LPIN2: variants seen among roughly 807,000 people sequenced by gnomAD.
LPIN2 encodes the protein lipin 2.
Under a neutral mutation model 111.4 loss-of-function variants are expected in LPIN2, and 55 were observed. The ratio of observed to expected loss-of-function variants is 0.49; its 90% CI spans 0.40 to 0.62. The LOEUF (loss-of-function observed/expected upper bound fraction) is 0.62, where lower values mean the gene tolerates loss of function less well. Ranked by LOEUF, LPIN2 falls within the 20% of genes least tolerant of loss-of-function variation. The probability of loss-of-function intolerance (pLI) is 0.00; values close to 1 mark genes in which losing one functional copy is unlikely to be tolerated. For synonymous variants in LPIN2, 425 were observed against 414.0 expected (o/e 1.03, Z -0.32); for missense variants, 992 against 1,112.1 (o/e 0.89, Z 1.54).
chr18:3,007,504 A>G (rs2078534366), intron 1 of LPIN2, among the ~76,000 whole-genome samples: 1 of 152,232 alleles, frequency 6.6e-6, no homozygotes, highest in Admixed American at 6.5e-5. Flanking sequence ...AAATACTGTT[A>G]AAAGAGTTTA....
At chr18:3,012,803 C>T (rs1359368200) in intron 1 of LPIN2, among the ~76,000 whole-genome samples, 1 of 151,886 alleles carries the variant, frequency 6.6e-6, no homozygotes, top group Non-Finnish European at 1.5e-5. Context: ...CACTGACGCC[C>T]CGACGCCCCC....
intron 1 of LPIN2, among the ~76,000 whole-genome samples, chr18:2,994,747 A>G (rs1429130547): frequency 6.6e-6 from 1 of 152,176 alleles, no homozygotes; most frequent in African/African-American, 2.4e-5. Context: ...CACCCTCCCC[A>G]GTGGTGACAG....
chr18:2,969,216 T>C (rs1221484028), intron 1 of LPIN2, among the ~76,000 whole-genome samples: 5 of 152,218 alleles, frequency 3.3e-5, no homozygotes, highest in African/African-American at 1.2e-4. Flanking sequence ...CATAGTTCCA[T>C]GTAAAAGTAA....
intron 16 of LPIN2, 31 bp downstream of exon 16, chr18:2,923,744 C>G: frequency 5.1e-6 from 8 of 1,574,856 alleles, no homozygotes; most frequent in Non-Finnish European, 7.0e-6. Flanking sequence ...TCCAGCTCAC[C>G]AGAGCGAGTT....
intron 1 of LPIN2, among the ~76,000 whole-genome samples, chr18:3,006,569 G>A (rs556020800): frequency 1.2e-4 from 18 of 152,142 alleles, no homozygotes; most frequent in African/African-American, 2.7e-4. Context: ...CGGGCGCAGC[G>A]GCTCAAGCCT....
intron 3 of LPIN2, among the ~76,000 whole-genome samples, chr18:2,951,840 G>A (rs368600545): frequency 3.3e-5 from 5 of 152,262 alleles, no homozygotes; most frequent in East Asian, 1.9e-4. Context: ...GATACAGAGC[G>A]GCCAATGCTT....
intron 1 of LPIN2, among the ~76,000 whole-genome samples, chr18:2,968,148 G>A (rs1188058123): frequency 6.6e-6 from 1 of 152,172 alleles, no homozygotes; most frequent in African/African-American, 2.4e-5. Context: ...TCATTTCTAG[G>A]ACGATTTAGT....
At chr18:2,985,996 T>C (rs1173780789) in intron 1 of LPIN2, among the ~76,000 whole-genome samples, 2 of 152,208 alleles carry the variant, frequency 1.3e-5, no homozygotes, top group African/African-American at 4.8e-5. Context: ...ATTTCTGCAT[T>C]TTCAAGACTC....
chr18:2,963,016 T>C (rs987862288), intron 1 of LPIN2, among the ~76,000 whole-genome samples: 16 of 152,250 alleles, frequency 1.1e-4, no homozygotes, highest in Non-Finnish European at 1.5e-5. Context: ...AGGGATGTGC[T>C]GTTATATGGG....
intron 9 of LPIN2, among the ~76,000 whole-genome samples, chr18:2,930,987 T>C (rs1166512184): frequency 6.6e-6 from 1 of 152,112 alleles, no homozygotes; most frequent in Non-Finnish European, 1.5e-5. Flanking sequence ...CCCTGGCAGC[T>C]CAGAAAACAG....
intron 1 of LPIN2, among the ~76,000 whole-genome samples, chr18:2,991,831 G>A (rs1201210842): frequency 2.0e-5 from 3 of 152,028 alleles, no homozygotes; most frequent in South Asian, 2.1e-4. Context: ...CCAAGATGGC[G>A]AAACCCCATC....
At chr18:3,002,259 C>G (rs6506039) in intron 1 of LPIN2, among the ~76,000 whole-genome samples, 119,537 of 130,082 alleles carry the variant, frequency 0.92, 55,118 homozygotes, top group East Asian at 0.99. Context: ...AAAAAAAAAA[C>G]CCACCATAAC....
intron 1 of LPIN2, among the ~76,000 whole-genome samples, chr18:2,994,770 C>T (rs1473786433): frequency 2.6e-5 from 4 of 152,108 alleles, no homozygotes; most frequent in African/African-American, 9.7e-5. Context: ...AAAAAAATGT[C>T]TCCGGTTATT....
intron 2 of LPIN2, 41 bp from the exon 3 acceptor site, chr18:2,954,640 T>C: frequency 7.3e-7 from 1 of 1,373,286 alleles, no homozygotes; most frequent in Admixed American, 1.7e-5. Context: ...TCAAGGAGTC[T>C]TTCCTTCAAG....
chr18:2,994,461 T>C (rs908979265), intron 1 of LPIN2, among the ~76,000 whole-genome samples: 5 of 152,162 alleles, frequency 3.3e-5, no homozygotes, highest in African/African-American at 9.7e-5. Context: ...ATGGGGGTGG[T>C]GACTGGATTT....
At chr18:2,962,575 T>G (rs1198971590) in intron 1 of LPIN2, among the ~76,000 whole-genome samples, 4 of 152,184 alleles carry the variant, frequency 2.6e-5, no homozygotes, top group African/African-American at 4.8e-5. Context: ...AAAATATTCA[T>G]ATAACATCCC....
chr18:3,013,052 G>A (rs1200228260), intron 1 of LPIN2, 35 bp downstream of exon 1: 1 of 150,948 alleles, frequency 6.6e-6, no homozygotes, highest in East Asian at 1.9e-4. Flanking sequence ...GCCCCGGAGG[G>A]ACGCCTGCGA....
At chr18:3,005,050 T>C (rs1224486499) in intron 1 of LPIN2, among the ~76,000 whole-genome samples, 1 of 152,152 alleles carries the variant, frequency 6.6e-6, no homozygotes, top group Admixed American at 6.5e-5. Context: ...GATGCTGACA[T>C]CTATAAAGAA....
At chr18:3,008,130 T>C (rs923154896) in intron 1 of LPIN2, among the ~76,000 whole-genome samples, 2 of 152,208 alleles carry the variant, frequency 1.3e-5, no homozygotes, top group Admixed American at 6.5e-5. Flanking sequence ...AAAGAGACCA[T>C]CTTATTTTAA....
Sources: gnomAD v4.1 joint callset for allele counts (sites outside exome capture counted in the v4.1 genomes callset) on GRCh38, gnomAD v4.1.1 for gene constraint, MANE v1.5 for transcripts, NCBI Gene and HGNC (gene_info 2026-07-23, HGNC 2026-07-21) for gene names.